Variants in AMPH observed in about 807,000 individuals in gnomAD.
AMPH encodes amphiphysin, also known as amphiphysin (Stiff-Mann syndrome with breast cancer 128kD autoantigen).
A neutral mutation model predicts 99.1 loss-of-function variants in AMPH; 49 were observed. The ratio of observed to expected loss-of-function variants is 0.49; its 90% CI spans 0.39 to 0.63. The LOEUF is 0.63. AMPH is among the 20% of genes least tolerant of loss of function. The pLI is 0.00. For synonymous variants in AMPH, 314 were observed against 317.3 expected (o/e 0.99, Z 0.11); for missense variants, 759 against 863.4 (o/e 0.88, Z 1.52).
intron 11 of AMPH, among the ~76,000 whole-genome samples, chr7:38,444,923 C>T (rs1356136713): frequency 2.0e-5 from 3 of 151,254 alleles, no homozygotes; most frequent in Middle Eastern, 3.2e-3. Context: ...TAGCATGCTA[C>T]TGGCACAAAG....
At chr7:38,492,355 C>A (rs1182603055) in intron 4 of AMPH, among the ~76,000 whole-genome samples, 1 of 152,148 alleles carries the variant, frequency 6.6e-6, no homozygotes, top group African/African-American at 2.4e-5. Context: ...AGTCACCTTG[C>A]CCGTGAAGGC....
Position 38,465,545 on chromosome 7 carries a change from C to G in AMPH, c.671G>C (p.Cys224Ser). 1 of 1,578,924 alleles carries G rather than the reference C, an allele frequency of 6.3e-7. No individual in the cohort carries two copies. Among genetic ancestry groups the G allele is most frequent in the Non-Finnish European group, 8.6e-7 (1 of 1,160,506 alleles). ...TGTCATCACTTCATACAGTTTGTGGCAAAGCTAAGGGGACAGAGGCCACTT... is the reference window on the plus strand; with the variant it reads ...TGTCATCACTTCATACAGTTTGTGGGAAAGCTAAGGGGACAGAGGCCACTT... ...AKFHKEIAVL[C>S]HKLYEVMTKL... The change falls in exon 9 of 21, where the codon TGC (cysteine) becomes TCC (serine). Residue 224 changes from cysteine to serine, a missense_variant. Physicochemically the swap from Cys to Ser is moderately radical, Grantham distance 112 (BLOSUM62 -1). Around this residue, in one of 2 missense-constraint regions of AMPH, gnomAD observed 205 missense variants for 287.9 expected, o/e 0.71. Coordinates refer to ENST00000356264, the MANE Select transcript of AMPH (RefSeq NM_001635.4).
At chr7:38,469,358 G>A (rs901954377) in intron 7 of AMPH, among the ~76,000 whole-genome samples, 11 of 152,094 alleles carry the variant, frequency 7.2e-5, no homozygotes, top group Non-Finnish European at 1.5e-4. Context: ...TTATTAAGAT[G>A]TTTCTTTGTT....
chr7:38,557,552 G>C (rs1294487450), intron 1 of AMPH, among the ~76,000 whole-genome samples: 2 of 152,122 alleles, frequency 1.3e-5, no homozygotes, highest in Non-Finnish European at 2.9e-5. Context: ...GGCCATGATT[G>C]TAAGTTTCCT....
At chr7:38,471,771 T>C (rs1184564092) in intron 7 of AMPH, among the ~76,000 whole-genome samples, 2 of 151,946 alleles carry the variant, frequency 1.3e-5, no homozygotes, top group Non-Finnish European at 2.9e-5. Flanking sequence ...TCAAGATAGG[T>C]AGAAAGTTTA....
chr7:38,517,188 T>A (rs1280830604), intron 2 of AMPH, among the ~76,000 whole-genome samples: 1 of 152,182 alleles, frequency 6.6e-6, no homozygotes. Context: ...GACATGAGAT[T>A]TGGGAGGCCA....
At chr7:38,415,704 C>T (rs985900628) in intron 17 of AMPH, among the ~76,000 whole-genome samples, 1 of 152,064 alleles carries the variant, frequency 6.6e-6, no homozygotes, top group Admixed American at 6.6e-5. Flanking sequence ...ATTAGGCAAA[C>T]TAAATTGCTG....
chr7:38,401,835 TCAA>T (rs1375952219), intron 17 of AMPH, among the ~76,000 whole-genome samples: 1 of 152,202 alleles, frequency 6.6e-6, no homozygotes, highest in African/African-American at 2.4e-5. Flanking sequence ...AGGAATTCCA[TCAA>T]CTAGGAAAAC....
chr7:38,610,288 GAAAGAAAGAAAAGA>G (rs1562860145), intron 1 of AMPH, among the ~76,000 whole-genome samples: 4 of 8,914 alleles, frequency 4.5e-4, no homozygotes, highest in African/African-American at 2.4e-3. Flanking sequence ...AAGAAAGAAA[GAAAGAAAGAAAAGA>G]AAAGAAAAGA....
At chr7:38,524,296 G>C (rs2129035871) in intron 2 of AMPH, among the ~76,000 whole-genome samples, 1 of 152,344 alleles carries the variant, frequency 6.6e-6, no homozygotes, top group Middle Eastern at 3.4e-3. Context: ...AACAGAGTTA[G>C]TTTAAAGAAA....
At chr7:38,626,373 A>G (rs577175544) in intron 1 of AMPH, among the ~76,000 whole-genome samples, 172 of 152,212 alleles carry the variant, frequency 1.1e-3, no homozygotes, top group Non-Finnish European at 2.1e-3. Flanking sequence ...CAGAACAGAG[A>G]CCTCAGAAAT....
intron 10 of AMPH, 104 bp downstream of exon 10, chr7:38,462,871 C>A: frequency 7.7e-7 from 1 of 1,291,112 alleles, no homozygotes; most frequent in African/African-American, 1.5e-5. Flanking sequence ...GTCTCCCTAA[C>A]TGGAAACTTC....
At chr7:38,401,924 G>A (rs1234538729) in intron 17 of AMPH, among the ~76,000 whole-genome samples, 4 of 151,874 alleles carry the variant, frequency 2.6e-5, no homozygotes, top group African/African-American at 4.8e-5. Flanking sequence ...TCTTCTTCAG[G>A]ATGAACTTCT....
chr7:38,405,004 T>C (rs1784942815), intron 17 of AMPH, among the ~76,000 whole-genome samples: 1 of 151,912 alleles, frequency 6.6e-6, no homozygotes. Context: ...AGACTAACAG[T>C]CAACTTCTCA....
At chr7:38,507,471 A>C (rs1042055703) in intron 2 of AMPH, among the ~76,000 whole-genome samples, 1 of 152,214 alleles carries the variant, frequency 6.6e-6, no homozygotes, top group Non-Finnish European at 1.5e-5. Flanking sequence ...CTGGAGAAAA[A>C]TCCTCCACCT....
intron 1 of AMPH, among the ~76,000 whole-genome samples, chr7:38,556,374 T>G (rs532970086): frequency 2.3e-4 from 35 of 152,082 alleles, no homozygotes; most frequent in African/African-American, 8.4e-4. Context: ...GGAAAAAAAA[T>G]GAATGAGAAA....
At chr7:38,570,877 T>C (rs1791919670) in intron 1 of AMPH, among the ~76,000 whole-genome samples, 1 of 137,042 alleles carries the variant, frequency 7.3e-6, no homozygotes, top group Admixed American at 8.4e-5. Flanking sequence ...ATCCTGACCC[T>C]GTGTAGGCCT....
chr7:38,627,581 G>A (rs1317268492), intron 1 of AMPH, among the ~76,000 whole-genome samples: 3 of 150,036 alleles, frequency 2.0e-5, no homozygotes, highest in Non-Finnish European at 1.5e-5. Context: ...CATGAACCCA[G>A]GAGGTGGAGC....
At chr7:38,489,717 T>C (rs915060474) in intron 5 of AMPH, among the ~76,000 whole-genome samples, 2 of 152,044 alleles carry the variant, frequency 1.3e-5, no homozygotes, top group Non-Finnish European at 2.9e-5. Flanking sequence ...GGCAATGGAC[T>C]AGAATAGACA....
Sources: allele counts gnomAD v4.1 joint callset (sites outside exome capture counted in the v4.1 genomes callset), GRCh38; gene constraint gnomAD v4.1.1; regional missense constraint gnomAD v4.1.1; transcripts MANE v1.5; gene names NCBI Gene and HGNC (gene_info 2026-07-23, HGNC 2026-07-21).